ARFGEF2: variants seen among roughly 807,000 people sequenced by gnomAD.
ARFGEF2 encodes ARF guanine nucleotide exchange factor 2, also known as brefeldin A-inhibited guanine nucleotide-exchange protein 2.
ARFGEF2 carries 74 observed loss-of-function variants against 219.9 expected under a neutral mutation model. That is an observed-to-expected ratio of 0.34 (90% CI 0.28 to 0.41). The LOEUF is 0.41. ARFGEF2 is among the 10% of genes least tolerant of loss of function. The pLI, the probability that ARFGEF2 is intolerant of heterozygous loss-of-function variation, is 1.00. For missense variants in ARFGEF2, 1,743 were observed against 2,218.3 expected, an observed-to-expected ratio of 0.79 and a Z score of 4.30; for synonymous variants, 733 against 799.2, an observed-to-expected ratio of 0.92 and a Z score of 1.40.
Position 48,969,270 on chromosome 20 carries a change from G to T in ARFGEF2, c.1183G>T (p.Asp395Tyr), listed in dbSNP as rs2091210623. The change falls in exon 9 of 39, where the codon GAC (aspartate) becomes TAC (tyrosine). Residue 395 changes from aspartate to tyrosine, a missense_variant. Asp to Tyr is a radical substitution (Grantham distance 160). This residue lies in a region of ARFGEF2 where 666 missense variants were observed against 955.4 expected (regional missense o/e 0.70). Coordinates refer to ENST00000371917, the MANE Select transcript of ARFGEF2 (RefSeq NM_006420.3). ...SMKPLGEGPP[D>Y]PKSHELRSKV... ...GAAACCCCTTGGTGAAGGCCCTCCA[G>T]ACCCAAAGTAAGCAGACAGCAGTTC... The T allele has an allele frequency of 6.2e-7, 1 of 1,614,200 alleles. No homozygotes were observed. Among genetic ancestry groups the T allele is most frequent in the African/African-American group, 1.3e-5 (1 of 75,058 alleles).
chr20:49,013,609 G>A lies in ARFGEF2; in HGVS notation c.3964G>A (p.Asp1322Asn), dbSNP rs1267748309. ...TGATGACATGAATGTAGCTCCTGGT[G>A]ACAGAGTCTGGGTCCGAGGCTGGTT... ...TSDDMNVAPG[D>N]RVWVRGWFPI... The change falls in exon 29 of 39, where the codon GAC (aspartate) becomes AAC (asparagine). Residue 1322 changes from aspartate (D) to asparagine (N), a missense_variant. This residue lies in a region of ARFGEF2 where 578 missense variants were observed against 664.0 expected (regional missense o/e 0.87). Coordinates refer to ENST00000371917, the MANE Select transcript of ARFGEF2 (RefSeq NM_006420.3). 2 of 1,614,036 alleles carry A rather than the reference G, an allele frequency of 1.2e-6. No homozygotes were observed. Among genetic ancestry groups the A allele is most frequent in the Non-Finnish European group, 1.7e-6 (2 of 1,180,032 alleles).
Position 48,953,800 on chromosome 20 carries a change from G to T in ARFGEF2, c.838+10G>T, listed in dbSNP as rs763591309. On this transcript the variant is annotated intron_variant, in intron 6 of 38. Transcript: ENST00000371917. Reference sequence around the variant, plus strand: ...GGCTCATCACTGTCAGGTACGGGCTGATACGGTATGGCTCTTTTTCCAAGT... The same window carrying T: ...GGCTCATCACTGTCAGGTACGGGCTTATACGGTATGGCTCTTTTTCCAAGT... 6.2e-7 allele frequency: 1 copy of T among 1,611,516 alleles called. No individual in the cohort carries two copies. Among genetic ancestry groups the T allele is most frequent in the Non-Finnish European group, 8.5e-7 (1 of 1,178,332 alleles).
chr20:48,954,287 T>C (rs995496948), intron 6 of ARFGEF2, among the ~76,000 whole-genome samples: 1 of 152,206 alleles, frequency 6.6e-6, no homozygotes, highest in African/African-American at 2.4e-5. Flanking sequence ...CTGGTGACCA[T>C]GTACATCACT....
chr20:48,953,552 T>C lies in ARFGEF2; in HGVS notation c.604-4T>C. 1 of 1,613,768 alleles carries C rather than the reference T, an allele frequency of 6.2e-7. No individual in the cohort carries two copies. On this transcript the variant is annotated splice_region_variant and splice_polypyrimidine_tract_variant and intron_variant, in intron 5 of 38. Transcript: ENST00000371917. ...TGCTGTATCCCCCTTTTGTTGCCTT[T>C]TAGTTGCAGGAGGCCAGAGAACTGG...
chr20:49,014,698 G>A (rs986934404), intron 30 of ARFGEF2, among the ~76,000 whole-genome samples: 3 of 152,122 alleles, frequency 2.0e-5, no homozygotes, highest in Admixed American at 2.0e-4. Flanking sequence ...AGGTGAGGTG[G>A]GAGGATTACT....
At chr20:48,931,038 A>G (rs1341239133) in intron 1 of ARFGEF2, among the ~76,000 whole-genome samples, 1 of 152,154 alleles carries the variant, frequency 6.6e-6, no homozygotes, top group African/African-American at 2.4e-5. Flanking sequence ...AAGACTGGAA[A>G]AATGCCCATC....
At chr20:49,023,755 G>T (rs2091583533) in intron 35 of ARFGEF2, among the ~76,000 whole-genome samples, 1 of 151,686 alleles carries the variant, frequency 6.6e-6, no homozygotes, top group Non-Finnish European at 1.5e-5. Context: ...AGCCAGGATG[G>T]TCTCGATCTC....
chr20:48,993,472 A>G (rs552952512), intron 21 of ARFGEF2, among the ~76,000 whole-genome samples: 1 of 152,332 alleles, frequency 6.6e-6, no homozygotes, highest in African/African-American at 2.4e-5. Flanking sequence ...GAAGAAAGCA[A>G]TTTATAAGTA....
intron 21 of ARFGEF2, among the ~76,000 whole-genome samples, chr20:48,993,118 T>C (rs952687822): frequency 6.6e-6 from 1 of 152,232 alleles, no homozygotes; most frequent in African/African-American, 2.4e-5. Context: ...TAAGGAGCCA[T>C]AATACGTAGA....
chr20:48,964,276 A>G (rs1188087977), intron 7 of ARFGEF2, among the ~76,000 whole-genome samples: 1 of 152,168 alleles, frequency 6.6e-6, no homozygotes, highest in East Asian at 1.9e-4. Context: ...GTGGTGGCGC[A>G]CGCCTGTAGT....
chr20:48,965,956 T>G lies in ARFGEF2; in HGVS notation c.992T>G (p.Val331Gly). ...CAGGAATGTGCTATTCCCCCAGGAG[T>G]TGATGAAAACTCACAGACCAACGGG... Reference protein sequence around the residue: ...ECQECAIPPGVDENSQTNGIA... With the variant: ...ECQECAIPPGGDENSQTNGIA... Residue 331 changes from valine (V) to glycine (G), a missense_variant, in exon 8 of 39, where the codon GTT becomes GGT. Coordinates refer to ENST00000371917, the MANE Select transcript of ARFGEF2 (RefSeq NM_006420.3). The G allele has an allele frequency of 6.2e-7, 1 of 1,614,068 alleles. No individual in the cohort carries two copies. The highest frequency in any genetic ancestry group is 1.3e-5 in the African/African-American group (1 of 75,006).
chr20:48,969,119 C>G (rs2091209590), intron 8 of ARFGEF2, 28 bp from the exon 9 acceptor site: 4 of 1,611,848 alleles, frequency 2.5e-6, no homozygotes, highest in Non-Finnish European at 2.5e-6. Flanking sequence ...TGCCACCACA[C>G]CCAGCTGATG....
Position 48,924,372 on chromosome 20 carries a change from C to T in ARFGEF2, c.121+2362C>T, listed in dbSNP as rs947393699. ...AAAATAACAAAAAAAATTAGCTGGG[C>T]GCTGTGGCGGGCACCTGTAGTCCCA... On this transcript the variant is annotated intron_variant, in intron 1 of 38. Transcript: ENST00000371917. Among the ~76,000 whole-genome samples, 5 of 152,152 alleles carry T rather than the reference C, an allele frequency of 3.3e-5. No individual in the cohort carries two copies. In the East Asian group the frequency reaches 5.8e-4, roughly 18 times the overall value.
In ARFGEF2 at chr20:48,998,251, C is replaced by G; in HGVS notation, c.3262+18C>G. On this transcript the variant is annotated intron_variant, in intron 24 of 38. Coordinates refer to ENST00000371917, the MANE Select transcript of ARFGEF2 (RefSeq NM_006420.3). ...TGCAATAGGTATGTATTTGACTTAC[C>G]TGTGAAAACTGCAGAAGCCTCACGC... 1.2e-6 allele frequency: 2 copies of G among 1,614,114 alleles called. No homozygotes were observed. Among genetic ancestry groups the G allele is most frequent in the Non-Finnish European group, 1.7e-6 (2 of 1,180,008 alleles).
In ARFGEF2 at chr20:49,025,873, T is replaced by C. The variant is rs555525553; in HGVS notation, c.4924+392T>C. Among the ~76,000 whole-genome samples, 6 of 151,696 alleles carry C rather than the reference T, an allele frequency of 4.0e-5. No individual in the cohort carries two copies. The East Asian group carries it at 7.8e-4, about 20-fold the overall frequency. On this transcript the variant is annotated intron_variant, in intron 36 of 38. Transcript: ENST00000371917. ...GGTGCAAACCCATAATCCCAGCTAC[T>C]TGGGAGGCCGAGGCAGGAGAATCGC...
At chr20:48,983,705 T>G (rs2091309906) in intron 14 of ARFGEF2, among the ~76,000 whole-genome samples, 1 of 152,192 alleles carries the variant, frequency 6.6e-6, no homozygotes, top group Non-Finnish European at 1.5e-5. Context: ...CTTTTTTCCA[T>G]CCCTCAGACT....
chr20:48,966,080 G>A (rs2091185271), intron 8 of ARFGEF2, 57 bp downstream of exon 8: 1 of 1,602,302 alleles, frequency 6.2e-7, no homozygotes. Flanking sequence ...TTCAAAAGAT[G>A]CAGAATTAAG....
chr20:48,976,287 C>T (rs574201240), intron 14 of ARFGEF2, 88 bp downstream of exon 14: 2 of 1,519,766 alleles, frequency 1.3e-6, no homozygotes, highest in East Asian at 4.7e-5. Context: ...AAAGGAAATG[C>T]CTGTTTACAA....
intron 18 of ARFGEF2, 22 bp downstream of exon 18, chr20:48,988,684 T>G: frequency 1.9e-6 from 3 of 1,607,716 alleles, no homozygotes; most frequent in Non-Finnish European, 2.6e-6. Context: ...TGGCAAATTA[T>G]TTCTTTTAGT....
Sources: allele counts gnomAD v4.1 joint callset (sites outside exome capture counted in the v4.1 genomes callset), GRCh38; gene constraint gnomAD v4.1.1; regional missense constraint gnomAD v4.1.1; transcripts MANE v1.5; gene names NCBI Gene and HGNC (gene_info 2026-07-23, HGNC 2026-07-21).